ITGB5: variants seen among roughly 807,000 people sequenced by gnomAD.
The protein encoded by ITGB5 is integrin beta-5.
Under a neutral mutation model 84.8 loss-of-function variants are expected in ITGB5, and 38 were observed. The observed-to-expected ratio is 0.45, with a 90% CI of 0.35 to 0.59. ITGB5 has a LOEUF of 0.59. Among genes scored for constraint, ITGB5 ranks in the 20% least tolerant of loss-of-function variants. The probability of loss-of-function intolerance (pLI) is 0.01; values close to 1 mark genes in which losing one functional copy is unlikely to be tolerated. For synonymous variants in ITGB5, 393 were observed against 414.4 expected, an observed-to-expected ratio of 0.95 and a Z score of 0.63; for missense variants, 905 against 1,034.5, an observed-to-expected ratio of 0.87 and a Z score of 1.72.
intron 3 of ITGB5, among the ~76,000 whole-genome samples, chr3:124,855,332 T>G (rs1382965415): frequency 6.6e-6 from 1 of 152,056 alleles, no homozygotes; most frequent in African/African-American, 2.4e-5. Context: ...GATAGATATA[T>G]GAAAAACCAA....
At chr3:124,842,841 C>A (rs1480743736) in intron 4 of ITGB5, among the ~76,000 whole-genome samples, 2 of 152,254 alleles carry the variant, frequency 1.3e-5, no homozygotes, top group East Asian at 1.9e-4. Flanking sequence ...TGTAAAGGGG[C>A]AATCTTTGGT....
chr3:124,883,451 A>G (rs1579341462), intron 1 of ITGB5, among the ~76,000 whole-genome samples: 1 of 152,212 alleles, frequency 6.6e-6, no homozygotes, highest in Non-Finnish European at 1.5e-5. Context: ...CCATAGGATA[A>G]ACAGCAGTCT....
chr3:124,780,126 G>C (rs372284102), intron 10 of ITGB5, among the ~76,000 whole-genome samples: 3 of 122,222 alleles, frequency 2.5e-5, no homozygotes, highest in South Asian at 2.8e-4. Flanking sequence ...GGACCCTCAG[G>C]GAGGCCTCTG....
chr3:124,878,272 T>G (rs1196297928), intron 1 of ITGB5, among the ~76,000 whole-genome samples: 5 of 152,184 alleles, frequency 3.3e-5, no homozygotes, highest in Non-Finnish European at 5.9e-5. Flanking sequence ...CTGATGCAGA[T>G]CAGACTGAGC....
At chr3:124,828,697 C>T (rs1184786000) in intron 5 of ITGB5, among the ~76,000 whole-genome samples, 1 of 152,222 alleles carries the variant, frequency 6.6e-6, no homozygotes, top group Non-Finnish European at 1.5e-5. Flanking sequence ...GATGCTCAGG[C>T]TGGTCTTGAA....
At chr3:124,829,316 A>T (rs1436602720) in intron 5 of ITGB5, among the ~76,000 whole-genome samples, 3 of 152,252 alleles carry the variant, frequency 2.0e-5, no homozygotes, top group African/African-American at 4.8e-5. Context: ...CAATTTCGCT[A>T]AACATGACAG....
intron 1 of ITGB5, among the ~76,000 whole-genome samples, chr3:124,900,754 G>A (rs1056485228): frequency 3.3e-5 from 5 of 151,870 alleles, no homozygotes; most frequent in Admixed American, 2.6e-4. Flanking sequence ...ACCTCCCACG[G>A]GTGGCATTTT....
At chr3:124,892,403 GGCCAGGTGTGGTC>G (rs1438545279), upstream of ITGB5, among the ~76,000 whole-genome samples, 4 of 151,300 alleles carry the variant, frequency 2.6e-5, no homozygotes, top group African/African-American at 9.7e-5. Flanking sequence ...AGTTAAAATG[GGCCAGGTGTGGTC>G]GCTCACACCT....
intron 8 of ITGB5, among the ~76,000 whole-genome samples, chr3:124,814,270 T>C (rs2064550278): frequency 6.6e-6 from 1 of 151,932 alleles, no homozygotes; most frequent in Non-Finnish European, 1.5e-5. Context: ...TTAATATATA[T>C]ATTTTAAATT....
intron 2 of ITGB5, among the ~76,000 whole-genome samples, chr3:124,864,241 G>A (rs537910642): frequency 6.6e-6 from 1 of 151,270 alleles, no homozygotes; most frequent in Admixed American, 6.6e-5. Flanking sequence ...GGAGTAGCTG[G>A]GACTACAGGT....
intron 10 of ITGB5, chr3:124,781,297 G>C (rs1440708909): frequency 6.6e-6 from 1 of 152,210 alleles, no homozygotes; most frequent in Non-Finnish European, 1.5e-5. Flanking sequence ...TCCCTCCTAA[G>C]AAGCGCTATT....
upstream of ITGB5, among the ~76,000 whole-genome samples, chr3:124,888,038 C>G (rs1047370956): frequency 4.0e-5 from 6 of 151,470 alleles, no homozygotes; most frequent in Admixed American, 2.0e-4. Context: ...ACCTTAGCCT[C>G]CTGAGTAACT....
At chr3:124,782,983 C>A (rs201071657) in intron 10 of ITGB5, among the ~76,000 whole-genome samples, 2 of 143,692 alleles carry the variant, frequency 1.4e-5, no homozygotes, top group Non-Finnish European at 3.1e-5. Context: ...TCTTTTTTTT[C>A]TTTTTTAATA....
chr3:124,828,276 T>A (rs1212746078), intron 5 of ITGB5, among the ~76,000 whole-genome samples: 1 of 152,184 alleles, frequency 6.6e-6, no homozygotes, highest in African/African-American at 2.4e-5. Context: ...AGGCAAAAAC[T>A]AATGTCCATT....
At chr3:124,785,023 G>A (rs980790070) in intron 10 of ITGB5, among the ~76,000 whole-genome samples, 3 of 152,182 alleles carry the variant, frequency 2.0e-5, no homozygotes, top group Non-Finnish European at 2.9e-5. Context: ...CTGGCTGCCG[G>A]GACCCCAGTC....
At chr3:124,764,676 T>C in intron 13 of ITGB5, 119 bp from the exon 14 acceptor site, 1 of 894,090 alleles carries the variant, frequency 1.1e-6, no homozygotes, top group Non-Finnish European at 1.7e-6. Flanking sequence ...TCCTCGGCTC[T>C]CCCTTAGATC....
At chr3:124,846,061 T>A (rs570232488) in intron 4 of ITGB5, among the ~76,000 whole-genome samples, 1 of 152,196 alleles carries the variant, frequency 6.6e-6, no homozygotes, top group African/African-American at 2.4e-5. Context: ...TTCATTTGTA[T>A]TTAAAACTTT....
intron 11 of ITGB5, among the ~76,000 whole-genome samples, chr3:124,770,866 G>T (rs1030142998): frequency 5.3e-5 from 8 of 152,186 alleles, no homozygotes; most frequent in Non-Finnish European, 2.9e-5. Context: ...TCCAGCTTCA[G>T]TCATTCATGC....
chr3:124,823,275 TAAATAA>T (rs1394764599), intron 5 of ITGB5, among the ~76,000 whole-genome samples: 1 of 149,856 alleles, frequency 6.7e-6, no homozygotes, highest in African/African-American at 2.5e-5. Flanking sequence ...AAAAAATAAA[TAAATAA>T]AAATAAAAAC....
Sources: gnomAD v4.1 joint callset for allele counts (sites outside exome capture counted in the v4.1 genomes callset) on GRCh38, gnomAD v4.1.1 for gene constraint, MANE v1.5 for transcripts, NCBI Gene and HGNC (gene_info 2026-07-23, HGNC 2026-07-21) for gene names.